RFFL: variants seen among roughly 807,000 people sequenced by gnomAD.
The protein encoded by RFFL is E3 ubiquitin-protein ligase rififylin.
Under a neutral mutation model 40.4 loss-of-function variants are expected in RFFL, and 16 were observed. That is an observed-to-expected ratio of 0.40 (90% confidence interval 0.27 to 0.60). The LOEUF (loss-of-function observed/expected upper bound fraction) is 0.60. Ranked by LOEUF, RFFL falls within the 20% of genes least tolerant of loss-of-function variation. The probability of loss-of-function intolerance (pLI) is 0.47; values close to 1 mark genes in which losing one functional copy is unlikely to be tolerated. For synonymous variants in RFFL, 154 were observed against 167.9 expected, an observed-to-expected ratio of 0.92 and a Z score of 0.64; for missense variants, 367 against 451.7, an observed-to-expected ratio of 0.81 and a Z score of 1.70.
chr17:35,080,682 C>A (rs1211749034), intron 1 of RFFL, among the ~76,000 whole-genome samples: 1 of 152,190 alleles, frequency 6.6e-6, no homozygotes, highest in Non-Finnish European at 1.5e-5. Context: ...CTTGGCCTAA[C>A]TTCCTGTAAG....
chr17:35,053,428 G>A (rs947259410), intron 1 of RFFL, among the ~76,000 whole-genome samples: 1 of 152,120 alleles, frequency 6.6e-6, no homozygotes, highest in Non-Finnish European at 1.5e-5. Context: ...ACTGCCCAAA[G>A]CCAAGAAATA....
intron 1 of RFFL, among the ~76,000 whole-genome samples, chr17:35,029,430 G>A (rs375580038): frequency 6.2e-5 from 9 of 144,716 alleles, no homozygotes; most frequent in South Asian, 4.6e-4. Context: ...TGAAACCGCC[G>A]CCTCCCAGGT....
At chr17:35,073,846 C>T (rs190043235) in intron 1 of RFFL, 6 of 152,166 alleles carry the variant, frequency 3.9e-5, no homozygotes, top group Admixed American at 3.3e-4. Flanking sequence ...TAACCTAATG[C>T]TTTATTTATT....
At chr17:35,039,368 T>A (rs2091147689) in intron 1 of RFFL, among the ~76,000 whole-genome samples, 6 of 150,662 alleles carry the variant, frequency 4.0e-5, no homozygotes, top group Admixed American at 4.0e-4. Flanking sequence ...TACAGGCACG[T>A]GCCATCACAC....
intron 1 of RFFL, among the ~76,000 whole-genome samples, chr17:35,026,946 C>A (rs2091045302): frequency 6.6e-6 from 1 of 152,204 alleles, no homozygotes; most frequent in Non-Finnish European, 1.5e-5. Flanking sequence ...TTGTGATCGG[C>A]CCACTTCGGC....
intron 1 of RFFL, chr17:35,088,778 T>G (rs2091443516): frequency 6.6e-6 from 1 of 152,246 alleles, no homozygotes; most frequent in Non-Finnish European, 1.5e-5. Flanking sequence ...GAGGTATCTT[T>G]TCCCCACAAG....
rs79204476 is a variant in RFFL, at chr17:35,024,615, C to T, written c.180+1759G>A. On this transcript the variant is annotated intron_variant, in intron 2 of 6. Coordinates refer to ENST00000394597, the MANE Select transcript of RFFL (RefSeq NM_001017368.2). ...GGGCCACATCTTACTTATATTCTGT[C>T]TATAAAGTCCTGAATGTTATCTGTG... 3.4e-3 allele frequency among the ~76,000 whole-genome samples: 518 copies of T among 152,302 alleles called. 4 individuals are homozygous for T. The highest frequency in any genetic ancestry group is 0.024 in the South Asian group (116 of 4,822).
At chr17:35,051,685 TGGGAAAAA>T (rs1388800682) in intron 1 of RFFL, among the ~76,000 whole-genome samples, 4 of 152,186 alleles carry the variant, frequency 2.6e-5, no homozygotes, top group Admixed American at 1.3e-4. Context: ...ATATGAGGGC[TGGGAAAAA>T]GAGCAAGAAA....
At chr17:35,034,909 G>C (rs1030671629) in intron 1 of RFFL, among the ~76,000 whole-genome samples, 1 of 152,142 alleles carries the variant, frequency 6.6e-6, no homozygotes, top group Non-Finnish European at 1.5e-5. Context: ...TTTGTCCCGA[G>C]GGGATTTGGA....
At chr17:35,034,175 AATG>A (rs1407162600) in intron 1 of RFFL, among the ~76,000 whole-genome samples, 1 of 151,208 alleles carries the variant, frequency 6.6e-6, no homozygotes, top group African/African-American at 2.4e-5. Context: ...TAATAATAAT[AATG>A]ATAATAATTA....
chr17:35,045,084 C>A (rs1305594254), intron 1 of RFFL, among the ~76,000 whole-genome samples: 2 of 151,238 alleles, frequency 1.3e-5, no homozygotes, highest in African/African-American at 4.9e-5. Flanking sequence ...ATTTATCAGA[C>A]TATTTAGCAT....
rs1182651261 is a variant in RFFL at position 35,011,210 on chromosome 17, G to A, written c.*758C>T. 1 of 152,212 alleles carries A rather than the reference G, an allele frequency of 6.6e-6. No homozygotes were observed. The highest frequency in any genetic ancestry group is 1.5e-5 in the Non-Finnish European group (1 of 68,056). The allele number at this position is 152,212 out of a possible 1,614,324, so 9.4% of individuals were successfully genotyped here. A position where few individuals can be genotyped will look rare whatever the true frequency, so the allele number is the denominator to read the frequency against. On this transcript the variant is annotated 3_prime_UTR_variant, in exon 7 of 7. Transcript: ENST00000394597. ...CAAGAGAAGCAGCAGCAGGGATTAT[G>A]CACGCACTATCCCTTGCAGACAGAA...
intron 5 of RFFL, among the ~76,000 whole-genome samples, chr17:35,015,269 G>A (rs570934162): frequency 1.5e-4 from 23 of 152,332 alleles, no homozygotes; most frequent in African/African-American, 5.1e-4. Flanking sequence ...ACCCAGCCTG[G>A]TCTACTCTTA....
In RFFL at chr17:35,009,286, G is replaced by A. The variant is rs1337727185; in HGVS notation, c.*2682C>T. Reference sequence around the variant, plus strand: ...CACAAATTTATACAATGTATATTGAGCACTAGTTCCTGTACAGCTTATTCT... The same window carrying A: ...CACAAATTTATACAATGTATATTGAACACTAGTTCCTGTACAGCTTATTCT... On this transcript the variant is annotated 3_prime_UTR_variant, in exon 7 of 7. Coordinates refer to ENST00000394597, the MANE Select transcript of RFFL (RefSeq NM_001017368.2). The A allele has an allele frequency of 6.6e-6, 1 of 152,430 alleles. No individual in the cohort carries two copies. The highest frequency in any genetic ancestry group is 2.4e-5 in the African/African-American group (1 of 41,432). The allele number at this position is 152,430 out of a possible 1,614,324, so 9.4% of individuals were successfully genotyped here.
At chr17:35,019,293 C>A (rs1409602639) in intron 3 of RFFL, among the ~76,000 whole-genome samples, 4 of 152,048 alleles carry the variant, frequency 2.6e-5, no homozygotes, top group African/African-American at 7.2e-5. Context: ...TGTAGGGTGA[C>A]CTTTAGGTGC....
chr17:35,013,733 C>G (rs2090955690), intron 6 of RFFL, among the ~76,000 whole-genome samples: 1 of 152,134 alleles, frequency 6.6e-6, no homozygotes, highest in South Asian at 2.1e-4. Context: ...GTTACTCATT[C>G]TCTCAGAAGT....
chr17:35,076,679 A>AATAATAATAATAAT (rs2091378245), intron 1 of RFFL: 1 of 137,196 alleles, frequency 7.3e-6, no homozygotes, highest in Non-Finnish European at 1.5e-5. Flanking sequence ...ACTCCGTCTC[A>AATAATAATAATAAT]AATAATAATA....
chr17:35,011,921 C>T lies in RFFL; in HGVS notation c.*47G>A, dbSNP rs772025682. 10 of 1,583,490 alleles carry T rather than the reference C, an allele frequency of 6.3e-6. No homozygotes were observed. The South Asian group carries it at 9.1e-5, about 14-fold the overall frequency. ...AGCTGGCCAACCCTGAGCCCAGACA[C>T]CCCAGGCTATTTCCCTGTAAGGCAC... is the stretch of plus-strand genomic sequence containing the variant. On this transcript the variant is annotated 3_prime_UTR_variant, in exon 7 of 7. Transcript: ENST00000394597.
chr17:35,037,972 G>A (rs1319272193), intron 1 of RFFL, among the ~76,000 whole-genome samples: 1 of 152,128 alleles, frequency 6.6e-6, no homozygotes, highest in African/African-American at 2.4e-5. Context: ...AGAGATACTA[G>A]CAAATGTTGA....
Sources: allele counts gnomAD v4.1 joint callset (sites outside exome capture counted in the v4.1 genomes callset), GRCh38; gene constraint gnomAD v4.1.1; transcripts MANE v1.5; gene names NCBI Gene and HGNC (gene_info 2026-07-23, HGNC 2026-07-21).